Variants in ADCY2 observed in about 807,000 individuals in gnomAD.
ADCY2 encodes the protein adenylate cyclase 2, also known as adenylate cyclase type 2.
Under a neutral mutation model 125.2 loss-of-function variants are expected in ADCY2, and 31 were observed. The observed-to-expected ratio is 0.25, with a 90% confidence interval of 0.19 to 0.33. ADCY2 has a LOEUF of 0.33. Among genes scored for constraint, ADCY2 ranks in the 10% least tolerant of loss-of-function variants. The probability of loss-of-function intolerance (pLI) is 1.00; values close to 1 mark genes in which losing one functional copy is unlikely to be tolerated. For missense variants in ADCY2, 904 were observed against 1,418.2 expected, an observed-to-expected ratio of 0.64 and a Z score of 5.82; for synonymous variants, 512 against 548.4, an observed-to-expected ratio of 0.93 and a Z score of 0.93.
intron 21 of ADCY2, among the ~76,000 whole-genome samples, chr5:7,803,490 C>G (rs892626063): frequency 1.3e-5 from 2 of 152,220 alleles, no homozygotes; most frequent in Admixed American, 1.3e-4. Flanking sequence ...ATTCCTCTTC[C>G]TTCCTACAGC....
intron 2 of ADCY2, among the ~76,000 whole-genome samples, chr5:7,462,459 T>C (rs2126441470): frequency 6.6e-6 from 1 of 152,302 alleles, no homozygotes; most frequent in South Asian, 2.1e-4. Flanking sequence ...TTGACTAAAC[T>C]TAATAAGCAA....
chr5:7,789,054 C>T (rs1481768475), intron 19 of ADCY2, among the ~76,000 whole-genome samples: 2 of 152,180 alleles, frequency 1.3e-5, no homozygotes, highest in Non-Finnish European at 2.9e-5. Flanking sequence ...TTTTTACTAA[C>T]AGGCACTATC....
intron 4 of ADCY2, among the ~76,000 whole-genome samples, chr5:7,665,264 A>G (rs535290575): frequency 8.0e-4 from 122 of 152,292 alleles, no homozygotes; most frequent in South Asian, 2.1e-3. Flanking sequence ...ATTTAAAGGC[A>G]GCAGTGATCA....
intron 2 of ADCY2, among the ~76,000 whole-genome samples, chr5:7,452,179 C>T (rs1304159953): frequency 1.3e-5 from 2 of 152,182 alleles, no homozygotes; most frequent in Non-Finnish European, 2.9e-5. Flanking sequence ...TCTCAAAGTG[C>T]TGGGATTACA....
intron 10 of ADCY2, among the ~76,000 whole-genome samples, chr5:7,711,149 C>T (rs138521259): frequency 6.6e-5 from 10 of 152,202 alleles, no homozygotes; most frequent in East Asian, 1.9e-4. Context: ...TGAATGTGAA[C>T]GTGATCAGGT....
At chr5:7,528,051 T>C (rs540786016) in intron 3 of ADCY2, among the ~76,000 whole-genome samples, 1 of 152,340 alleles carries the variant, frequency 6.6e-6, no homozygotes, top group African/African-American at 2.4e-5. Flanking sequence ...CATGAAGCTA[T>C]TGATTGAGTA....
At chr5:7,730,302 G>A (rs1274307962) in intron 14 of ADCY2, among the ~76,000 whole-genome samples, 1 of 152,132 alleles carries the variant, frequency 6.6e-6, no homozygotes, top group Non-Finnish European at 1.5e-5. Context: ...TGCTTGCATT[G>A]GTTCCATATC....
intron 3 of ADCY2, among the ~76,000 whole-genome samples, chr5:7,606,626 T>G (rs1192041662): frequency 6.6e-6 from 1 of 152,102 alleles, no homozygotes; most frequent in Non-Finnish European, 1.5e-5. Flanking sequence ...AATCCAAACT[T>G]TATCAGATTT....
At chr5:7,613,264 A>G (rs548930022) in intron 3 of ADCY2, among the ~76,000 whole-genome samples, 27 of 152,318 alleles carry the variant, frequency 1.8e-4, no homozygotes, top group African/African-American at 6.3e-4. Context: ...GAGATGGAGA[A>G]GGCACAAATA....
intron 2 of ADCY2, among the ~76,000 whole-genome samples, chr5:7,424,003 C>T (rs1447503681): frequency 2.0e-5 from 3 of 152,116 alleles, no homozygotes; most frequent in African/African-American, 7.2e-5. Flanking sequence ...ACCCTAAAAC[C>T]CTGATTCACC....
chr5:7,585,993 A>C (rs1260714367), intron 3 of ADCY2, among the ~76,000 whole-genome samples: 1 of 152,226 alleles, frequency 6.6e-6, no homozygotes, highest in Non-Finnish European at 1.5e-5. Context: ...TTATATGCAT[A>C]TTTTATGCTG....
At chr5:7,554,290 ATTAG>A (rs1175814425) in intron 3 of ADCY2, among the ~76,000 whole-genome samples, 1 of 152,246 alleles carries the variant, frequency 6.6e-6, no homozygotes, top group Non-Finnish European at 1.5e-5. Context: ...CAATAGAGGC[ATTAG>A]TTATTCTGAG....
chr5:7,438,755 T>C (rs1740901759), intron 2 of ADCY2, among the ~76,000 whole-genome samples: 1 of 152,252 alleles, frequency 6.6e-6, no homozygotes, highest in African/African-American at 2.4e-5. Context: ...AATCCTTTAG[T>C]ATTTACTGCA....
chr5:7,491,541 T>C (rs116102687), intron 2 of ADCY2, among the ~76,000 whole-genome samples: 544 of 152,308 alleles, frequency 3.6e-3, no homozygotes, highest in Non-Finnish European at 5.7e-3. Context: ...GTTAACCCAT[T>C]ATTATTTTTA....
intron 3 of ADCY2, among the ~76,000 whole-genome samples, chr5:7,561,307 G>A (rs890459732): frequency 2.0e-5 from 3 of 152,148 alleles, no homozygotes; most frequent in Non-Finnish European, 2.9e-5. Flanking sequence ...ATGTACTTAC[G>A]CAAACCTAAA....
intron 3 of ADCY2, among the ~76,000 whole-genome samples, chr5:7,594,039 A>G (rs1454562276): frequency 6.6e-6 from 1 of 152,198 alleles, no homozygotes. Flanking sequence ...GTGGACCACA[A>G]ATAGCTTGGG....
intron 4 of ADCY2, among the ~76,000 whole-genome samples, chr5:7,674,381 C>T (rs142749670): frequency 1.2e-3 from 190 of 152,170 alleles, no homozygotes; most frequent in Middle Eastern, 3.4e-3. Flanking sequence ...GGGGAGGGCG[C>T]CCACAGGACA....
At chr5:7,448,425 G>A (rs1741356557) in intron 2 of ADCY2, among the ~76,000 whole-genome samples, 1 of 152,050 alleles carries the variant, frequency 6.6e-6, no homozygotes, top group Admixed American at 6.6e-5. Context: ...TTTATGTAAG[G>A]CCTGTAACAG....
rs183251480 is a variant in ADCY2 at position 7,609,685 on chromosome 5, C to A, written c.571-16482C>A. On this transcript the variant is annotated intron_variant, in intron 3 of 24. Transcript: ENST00000338316. Reference sequence around the variant, plus strand: ...CAGACAATAAGCAGATGGAGAAATGCAAAACATTTACTTTTGGCAAATGAT... The same window carrying A: ...CAGACAATAAGCAGATGGAGAAATGAAAAACATTTACTTTTGGCAAATGAT... Among the ~76,000 whole-genome samples, 131 of 152,194 alleles carry A rather than the reference C, an allele frequency of 8.6e-4. 2 individuals carry two copies. Among genetic ancestry groups the A allele is most frequent in the Admixed American group, 8.6e-3 (131 of 15,294 alleles).
Sources: gnomAD v4.1 joint callset for allele counts (sites outside exome capture counted in the v4.1 genomes callset) on GRCh38, gnomAD v4.1.1 for gene constraint, MANE v1.5 for transcripts, NCBI Gene and HGNC (gene_info 2026-07-23, HGNC 2026-07-21) for gene names.